FNBP1: variants seen among roughly 807,000 people sequenced by gnomAD.
The protein encoded by FNBP1 is formin-binding protein 1.
In FNBP1, 26 loss-of-function variants were observed where a neutral mutation model predicts 90.6. The observed-to-expected ratio is 0.29, with a 90% confidence interval of 0.21 to 0.40. The LOEUF (loss-of-function observed/expected upper bound fraction) is 0.40, where lower values mean the gene tolerates loss of function less well. FNBP1 is among the 10% of genes least tolerant of loss of function. The probability of loss-of-function intolerance (pLI) is 1.00; values close to 1 mark genes in which losing one functional copy is unlikely to be tolerated. For synonymous variants in FNBP1, 260 were observed against 265.2 expected (o/e 0.98, Z 0.19); for missense variants, 635 against 768.0 (o/e 0.83, Z 2.05).
chr9:130,024,467 T>C (rs954981691), intron 1 of FNBP1, among the ~76,000 whole-genome samples: 4 of 152,092 alleles, frequency 2.6e-5, no homozygotes, highest in African/African-American at 9.7e-5. Flanking sequence ...TGACACGTAA[T>C]TGAACACTGC....
At chr9:130,022,693 C>T (rs1381332353) in intron 1 of FNBP1, among the ~76,000 whole-genome samples, 1 of 151,840 alleles carries the variant, frequency 6.6e-6, no homozygotes, top group Non-Finnish European at 1.5e-5. Context: ...GACAGGGTTT[C>T]ACTCTGTGGC....
At chr9:130,003,091 T>C (rs1052015886) in intron 1 of FNBP1, among the ~76,000 whole-genome samples, 4 of 151,522 alleles carry the variant, frequency 2.6e-5, no homozygotes, top group African/African-American at 9.7e-5. Flanking sequence ...GCATGGGCTA[T>C]GGCATTGGTT....
Position 129,900,076 on chromosome 9 carries a change from G to A in FNBP1, c.1576C>T (p.Gln526Ter). The A allele has an allele frequency of 6.2e-7, 1 of 1,612,696 alleles. No individual in the cohort carries two copies. The highest frequency in any genetic ancestry group is 1.3e-5 in the African/African-American group (1 of 74,944). The change falls in exon 15 of 17, where the codon CAG (glutamine) becomes TAG (stop). Residue 526 changes from glutamine to a stop codon, truncating the protein, a stop_gained. Coordinates refer to ENST00000446176, the MANE Select transcript of FNBP1 (RefSeq NM_015033.3). LOFTEE classifies it high-confidence loss of function. This position sits in a 1 kb window ranked among gnomAD's most constrained non-coding sequence, Gnocchi z 4.1. The stretch of plus-strand genomic sequence containing the variant: ...ACCTTCATCTCACTCTCCTGACTCT[G>A]CTCCTCTGTGTAACTGCCATCTGGG... ...ESPDGSYTEE[Q>*]SQESEMKVLA...
chr9:129,920,205 T>G (rs2040875784), intron 10 of FNBP1, among the ~76,000 whole-genome samples: 1 of 152,160 alleles, frequency 6.6e-6, no homozygotes, highest in Non-Finnish European at 1.5e-5. Flanking sequence ...GTTTGAGGAG[T>G]AAGAAATAAA....
intron 1 of FNBP1, among the ~76,000 whole-genome samples, chr9:130,020,571 C>T (rs925002562): frequency 2.6e-5 from 4 of 151,962 alleles, no homozygotes; most frequent in Admixed American, 2.6e-4. Flanking sequence ...AAAGCAATAC[C>T]ATAACTTTAA....
At chr9:130,010,084 C>T (rs2056346947) in intron 1 of FNBP1, among the ~76,000 whole-genome samples, 2 of 151,896 alleles carry the variant, frequency 1.3e-5, no homozygotes, top group Admixed American at 6.6e-5. Context: ...AAAGCAAACA[C>T]AAGACATTAT....
chr9:129,975,958 C>G (rs1402185795), intron 4 of FNBP1, among the ~76,000 whole-genome samples: 3 of 146,332 alleles, frequency 2.1e-5, no homozygotes, highest in African/African-American at 7.5e-5. Flanking sequence ...AAGAAACAAC[C>G]AGGAAAAAAA....
Position 129,957,511 on chromosome 9 carries a change from A to G in FNBP1, c.409-47T>C. 2 of 1,376,008 alleles carry G rather than the reference A, an allele frequency of 1.5e-6. No homozygotes were observed. Among genetic ancestry groups the G allele is most frequent in the East Asian group, 4.6e-5 (2 of 43,542 alleles). The allele number at this position is 1,376,008 out of a possible 1,614,324, so 85.2% of individuals were successfully genotyped here. A position where few individuals can be genotyped will look rare whatever the true frequency, so the allele number is the denominator to read the frequency against. ...TATGAAACCATAAGAGTCCTACGAGAAGATGTAATTTTATCTAAAGCTCCC... is the reference window on the plus strand; with the variant it reads ...TATGAAACCATAAGAGTCCTACGAGGAGATGTAATTTTATCTAAAGCTCCC... On this transcript the variant is annotated intron_variant, in intron 5 of 16. Coordinates refer to ENST00000446176, the MANE Select transcript of FNBP1 (RefSeq NM_015033.3). The surrounding 1 kb of genome is among the most constrained non-coding windows in gnomAD (Gnocchi z 4.3).
intron 10 of FNBP1, among the ~76,000 whole-genome samples, chr9:129,919,505 T>C (rs2295952): frequency 0.81 from 123,560 of 152,162 alleles, 50,391 homozygotes; most frequent in East Asian, 0.9. Flanking sequence ...TGCTATCTAG[T>C]TTCATTTTTC....
At chr9:129,915,833 C>G in intron 11 of FNBP1, 133 bp downstream of exon 11, 1 of 641,618 alleles carries the variant, frequency 1.6e-6, no homozygotes, top group East Asian at 2.8e-5. Flanking sequence ...AAGGAAACAC[C>G]AACAAAAGCA....
intron 4 of FNBP1, among the ~76,000 whole-genome samples, chr9:129,976,800 T>G (rs1224104300): frequency 1.3e-5 from 2 of 152,194 alleles, no homozygotes; most frequent in Non-Finnish European, 2.9e-5. Context: ...TTTGTCATTA[T>G]TACTTAATGT....
At chr9:129,985,868 A>C (rs569644506) in intron 2 of FNBP1, among the ~76,000 whole-genome samples, 1 of 151,216 alleles carries the variant, frequency 6.6e-6, no homozygotes, top group East Asian at 2.0e-4. Context: ...AGTCTGAGGC[A>C]GGAGAATCGC....
chr9:129,952,621 C>G (rs755214849), intron 6 of FNBP1, among the ~76,000 whole-genome samples: 1 of 152,168 alleles, frequency 6.6e-6, no homozygotes, highest in South Asian at 2.1e-4. Context: ...GCAATGTTAA[C>G]TTAAAGATAT....
At chr9:130,028,051 T>C (rs1450271675) in intron 1 of FNBP1, among the ~76,000 whole-genome samples, 4 of 152,276 alleles carry the variant, frequency 2.6e-5, no homozygotes, top group South Asian at 2.1e-4. Flanking sequence ...ATTCCAGGTA[T>C]GGGCCACCAT....
chr9:130,040,518 G>A (rs193079899), intron 1 of FNBP1, among the ~76,000 whole-genome samples: 8 of 152,008 alleles, frequency 5.3e-5, no homozygotes, highest in Non-Finnish European at 1.2e-4. Context: ...CTACTTGGGA[G>A]GCTGAGGCAG....
intron 1 of FNBP1, among the ~76,000 whole-genome samples, chr9:130,006,524 G>A (rs1392584763): frequency 6.6e-6 from 1 of 151,156 alleles, no homozygotes; most frequent in Non-Finnish European, 1.5e-5. Flanking sequence ...AAAAAAACTA[G>A]CCAAGCATGG....
intron 1 of FNBP1, among the ~76,000 whole-genome samples, chr9:130,006,831 C>A (rs759609157): frequency 8.6e-5 from 13 of 151,786 alleles, no homozygotes; most frequent in African/African-American, 1.2e-4. Flanking sequence ...ATTCTGAACA[C>A]GAGATAAGAA....
chr9:129,908,711 C>A (rs1324924535), intron 12 of FNBP1, among the ~76,000 whole-genome samples, 179 bp downstream of exon 12: 1 of 151,874 alleles, frequency 6.6e-6, no homozygotes, highest in Non-Finnish European at 1.5e-5. Context: ...TGCCACTGCA[C>A]CTGGCTAGTT....
intron 12 of FNBP1, among the ~76,000 whole-genome samples, chr9:129,905,168 A>G (rs1016033488): frequency 6.6e-6 from 1 of 151,468 alleles, no homozygotes; most frequent in Non-Finnish European, 1.5e-5. Context: ...AGTTGTCTAT[A>G]TCCATTATCT....
Sources: allele counts gnomAD v4.1 joint callset (sites outside exome capture counted in the v4.1 genomes callset), GRCh38; gene constraint gnomAD v4.1.1; non-coding constraint Gnocchi (gnomAD v3.1); transcripts MANE v1.5; gene names NCBI Gene and HGNC (gene_info 2026-07-23, HGNC 2026-07-21).